Variants in KDM7A observed in about 807,000 individuals in gnomAD.
KDM7A encodes the protein lysine demethylase 7A, also known as lysine-specific demethylase 7A.
In KDM7A, 28 loss-of-function variants were observed where a neutral mutation model predicts 114.8. That is an observed-to-expected ratio of 0.24 (90% CI 0.18 to 0.33). The LOEUF (loss-of-function observed/expected upper bound fraction) is 0.33, where lower values mean the gene tolerates loss of function less well. KDM7A is among the 10% of genes least tolerant of loss of function. The pLI, the probability that KDM7A is intolerant of heterozygous loss-of-function variation, is 1.00. For missense variants in KDM7A, 942 were observed against 1,142.5 expected (o/e 0.82, Z 2.53); for synonymous variants, 423 against 397.8 (o/e 1.06, Z -0.75).
chr7:140,142,614 C>CA (rs1297772254), intron 1 of KDM7A, among the ~76,000 whole-genome samples: 3 of 152,044 alleles, frequency 2.0e-5, no homozygotes, highest in Non-Finnish European at 4.4e-5. Flanking sequence ...CTGATGATAC[C>CA]ATGTGTTGAA....
intron 1 of KDM7A, among the ~76,000 whole-genome samples, chr7:140,160,211 T>C (rs1794503347): frequency 6.6e-6 from 1 of 152,122 alleles, no homozygotes; most frequent in South Asian, 2.1e-4. Context: ...GCAACAAAAG[T>C]GTTACACTGA....
intron 1 of KDM7A, among the ~76,000 whole-genome samples, chr7:140,154,127 G>A (rs1210342167): frequency 6.6e-6 from 1 of 152,120 alleles, no homozygotes; most frequent in Non-Finnish European, 1.5e-5. Flanking sequence ...ACTGAAATCA[G>A]TGCACACCAG....
chr7:140,159,156 C>G (rs1018415277), intron 1 of KDM7A, among the ~76,000 whole-genome samples: 1 of 152,054 alleles, frequency 6.6e-6, no homozygotes, highest in Admixed American at 6.6e-5. Context: ...ACCAGCCTGG[C>G]CAACATGGTG....
intron 9 of KDM7A, among the ~76,000 whole-genome samples, chr7:140,114,321 C>G (rs2116777275): frequency 6.6e-6 from 1 of 152,264 alleles, no homozygotes; most frequent in South Asian, 2.1e-4. Context: ...GCGCGCGCCA[C>G]CACGCCTGAT....
chr7:140,126,875 C>T (rs1326606520), intron 5 of KDM7A, 52 bp from the exon 6 acceptor site: 4 of 1,364,548 alleles, frequency 2.9e-6, no homozygotes, highest in Non-Finnish European at 3.0e-6. Flanking sequence ...ATTAAAAATT[C>T]TTAAGAATTG....
At chr7:140,148,336 C>T (rs1049303881) in intron 1 of KDM7A, among the ~76,000 whole-genome samples, 7 of 152,080 alleles carry the variant, frequency 4.6e-5, no homozygotes, top group Admixed American at 3.3e-4. Flanking sequence ...CCAGCTACCC[C>T]GCTTAGTAAG....
chr7:140,097,756 C>T (rs1818140265), intron 14 of KDM7A, 114 bp from the exon 15 acceptor site: 1 of 594,206 alleles, frequency 1.7e-6, no homozygotes, highest in Admixed American at 3.0e-5. Flanking sequence ...ATCTCTCTTG[C>T]TCTACCCTCC....
chr7:140,165,020 A>ACC (rs1794558866), intron 1 of KDM7A, among the ~76,000 whole-genome samples: 1 of 152,168 alleles, frequency 6.6e-6, no homozygotes, highest in African/African-American at 2.4e-5. Context: ...TTGCTCATAT[A>ACC]CCCTCAGAAG....
chr7:140,118,937 A>C (rs1307714846), intron 9 of KDM7A, among the ~76,000 whole-genome samples, 176 bp downstream of exon 9: 1 of 152,158 alleles, frequency 6.6e-6, no homozygotes, highest in Non-Finnish European at 1.5e-5. Context: ...TTATGGACTA[A>C]AGACTCTAAC....
Position 140,129,673 on chromosome 7 carries a change from T to TA in KDM7A, c.399-21dup. On this transcript the variant is annotated intron_variant, in intron 3 of 19. Coordinates refer to ENST00000397560, the MANE Select transcript of KDM7A (RefSeq NM_030647.2). ...TCGGCACTAAGGAAAAACATAAGAATAAAAATGTCATTTTTATTGGTAAGG... is the reference window on the plus strand; with the variant it reads ...TCGGCACTAAGGAAAAACATAAGAATAAAAAATGTCATTTTTATTGGTAAGG... The TA allele has an allele frequency of 6.4e-7, 1 of 1,551,668 alleles. No homozygotes were observed. Among genetic ancestry groups the TA allele is most frequent in the Non-Finnish European group, 8.9e-7 (1 of 1,126,828 alleles).
intron 1 of KDM7A, among the ~76,000 whole-genome samples, chr7:140,164,278 T>A (rs2116852907): frequency 6.6e-6 from 1 of 152,058 alleles, no homozygotes; most frequent in Middle Eastern, 3.4e-3. Flanking sequence ...GGGGGGAGGG[T>A]TAAAGACCTG....
At position 140,096,759 on chromosome 7, in the gene KDM7A, A is replaced by G; in HGVS notation, c.2170T>C (p.Cys724Arg). 6.2e-7 allele frequency: 1 copy of G among 1,613,476 alleles called. No homozygotes were observed. The highest frequency in any genetic ancestry group is 8.5e-7 in the Non-Finnish European group (1 of 1,179,560). ...SRSEIPIKRE[C>R]PTSTSTEEEA... The stretch of plus-strand genomic sequence containing the variant: ...TCCTCTGTGCTCGTCGAGGTAGGAC[A>G]TTCCCTAAAGAAGAGATGATCCAAA... Residue 724 changes from cysteine (C) to arginine (R), a missense_variant, in exon 17 of 20, where the codon TGT becomes CGT. Physicochemically the swap from Cys to Arg is radical, Grantham distance 180. Around this residue, in one of 4 missense-constraint regions of KDM7A, gnomAD observed 512 missense variants for 576.6 expected, o/e 0.89. Transcript: ENST00000397560.
chr7:140,115,826 A>T (rs1044516243), intron 9 of KDM7A, among the ~76,000 whole-genome samples: 32 of 147,244 alleles, frequency 2.2e-4, no homozygotes, highest in South Asian at 1.7e-3. Flanking sequence ...ATAAATAAAA[A>T]AAAATAAAAC....
intron 19 of KDM7A, 94 bp downstream of exon 19, chr7:140,091,710 G>A (rs940696363): frequency 2.2e-6 from 3 of 1,373,448 alleles, no homozygotes; most frequent in African/African-American, 2.9e-5. Flanking sequence ...ATGAGATGTT[G>A]AACAACTTGA....
chr7:140,152,040 T>C (rs1422080148), intron 1 of KDM7A, among the ~76,000 whole-genome samples: 4 of 152,178 alleles, frequency 2.6e-5, no homozygotes, highest in Admixed American at 2.0e-4. Context: ...CAAGTAGATC[T>C]AGTTTTCCTA....
chr7:140,117,471 C>CGT (rs35717607), intron 9 of KDM7A, among the ~76,000 whole-genome samples: 51,926 of 149,628 alleles, frequency 0.35, 9,115 homozygotes, highest in Middle Eastern at 0.42. Context: ...AGGGTAGAGG[C>CGT]GTGTGTGTGT....
At chr7:140,094,412 C>T (rs968767145) in intron 17 of KDM7A, among the ~76,000 whole-genome samples, 2 of 151,504 alleles carry the variant, frequency 1.3e-5, no homozygotes, top group African/African-American at 2.4e-5. Context: ...GGCCGAGGCA[C>T]GAGAATCACT....
intron 2 of KDM7A, among the ~76,000 whole-genome samples, chr7:140,138,413 G>C (rs544610396): frequency 6.6e-6 from 1 of 152,238 alleles, no homozygotes; most frequent in South Asian, 2.1e-4. Context: ...AAAAGATTCT[G>C]AAGCATCTGT....
At chr7:140,110,869 G>T (rs1260889108) in intron 11 of KDM7A, among the ~76,000 whole-genome samples, 1 of 151,984 alleles carries the variant, frequency 6.6e-6, no homozygotes, top group African/African-American at 2.4e-5. Context: ...TCCTAAACTA[G>T]TAACTGTTTC....
Sources: gnomAD v4.1 joint callset for allele counts (sites outside exome capture counted in the v4.1 genomes callset) on GRCh38, gnomAD v4.1.1 for gene constraint, gnomAD v4.1.1 regional missense constraint, MANE v1.5 for transcripts, NCBI Gene and HGNC (gene_info 2026-07-23, HGNC 2026-07-21) for gene names.